Variants in FRYL observed in about 807,000 individuals in gnomAD.
FRYL encodes the protein protein furry homolog-like.
In FRYL, 150 loss-of-function variants were observed where a neutral mutation model predicts 351.2. The observed-to-expected ratio is 0.43, with a 90% CI of 0.37 to 0.49. FRYL has a LOEUF of 0.49. FRYL is among the 20% of genes least tolerant of loss of function. The pLI is 0.00. For synonymous variants in FRYL, 1,153 were observed against 1,257.1 expected, an observed-to-expected ratio of 0.92 and a Z score of 1.75; for missense variants, 3,036 against 3,619.3, an observed-to-expected ratio of 0.84 and a Z score of 4.13.
At chr4:48,758,337 A>G (rs959521715) in intron 1 of FRYL, among the ~76,000 whole-genome samples, 2 of 152,232 alleles carry the variant, frequency 1.3e-5, no homozygotes, top group African/African-American at 4.8e-5. Context: ...TCCATGTGAC[A>G]AAGGGCTAAT....
At chr4:48,663,063 A>G (rs1761088948) in intron 3 of FRYL, among the ~76,000 whole-genome samples, 1 of 152,096 alleles carries the variant, frequency 6.6e-6, no homozygotes. Flanking sequence ...GTAAATGTGT[A>G]GTTAAAATAC....
chr4:48,684,948 T>C (rs1005495074), intron 2 of FRYL, among the ~76,000 whole-genome samples, 153 bp from the exon 3 acceptor site: 5 of 152,226 alleles, frequency 3.3e-5, no homozygotes, highest in African/African-American at 1.2e-4. Context: ...ATGACATTTT[T>C]TCTAAGTTTT....
At chr4:48,695,520 T>C (rs911879880) in intron 2 of FRYL, among the ~76,000 whole-genome samples, 3 of 152,056 alleles carry the variant, frequency 2.0e-5, no homozygotes, top group African/African-American at 4.8e-5. Context: ...GTGGGTACAA[T>C]GTATGACAAA....
At chr4:48,595,115 G>A (rs1372344301) in intron 15 of FRYL, among the ~76,000 whole-genome samples, 2 of 152,222 alleles carry the variant, frequency 1.3e-5, no homozygotes, top group African/African-American at 2.4e-5. Flanking sequence ...ATACCCACAT[G>A]TGGTGACTTC....
Position 48,687,089 on chromosome 4 carries a change from T to C in FRYL, c.-203-2294A>G, listed in dbSNP as rs544315054. Among the ~76,000 whole-genome samples the C allele has an allele frequency of 7.3e-4, 111 of 152,322 alleles. 1 individual carries two copies. Among genetic ancestry groups the C allele is most frequent in the Admixed American group, 7.1e-3 (108 of 15,300 alleles). On this transcript the variant is annotated intron_variant, in intron 2 of 63. Transcript: ENST00000358350. The stretch of plus-strand genomic sequence containing the variant: ...CTTGCAGGACAATCACTTTTTCATC[T>C]TGTCTCCATATGGATTACTTAACAT...
At position 48,500,071 on chromosome 4, in the gene FRYL, A is replaced by T. The variant is rs185751021; in HGVS notation, c.8742T>A (p.Asn2914Lys). ...AIHSLIETLK[N>K]KEFISAVAQV... ...GTGCTACAGCTGATATAAATTCTTT[A>T]TTTTTCAAAGTTTCAATTAAAGAAT... Residue 2914 changes from asparagine to lysine, a missense_variant, in exon 63 of 64, where the codon AAT (asparagine) becomes AAA (lysine). This residue lies in a region of FRYL where 1,987 missense variants were observed against 2,311.7 expected (regional missense o/e 0.86). Transcript: ENST00000358350. 1.5e-5 allele frequency: 24 copies of T among 1,597,806 alleles called. No individual in the cohort carries two copies. In the African/African-American group the frequency reaches 3.0e-4, roughly 20 times the overall value.
Position 48,645,124 on chromosome 4 carries a change from T to TTA in FRYL, c.-80-10636_-80-10635dup, listed in dbSNP as rs36223183. On this transcript the variant is annotated intron_variant, in intron 3 of 63. Transcript: ENST00000358350. Reference sequence around the variant, plus strand: ...ATTAAACCAGCAGTGAGCTTTCATTTTATATATATATATATATATATATAT... The same window carrying TTA: ...ATTAAACCAGCAGTGAGCTTTCATTTTATATATATATATATATATATATATAT... Among the ~76,000 whole-genome samples the TTA allele has an allele frequency of 4.8e-3, 503 of 105,436 alleles. 39 individuals are homozygous for TTA. Among genetic ancestry groups the TTA allele is most frequent in the African/African-American group, 7.9e-3 (256 of 32,492 alleles). The allele number at this position is 105,436 out of a possible 152,430, so 69.2% of individuals were successfully genotyped here.
intron 1 of FRYL, among the ~76,000 whole-genome samples, chr4:48,717,986 T>C (rs1028627030): frequency 1.3e-5 from 2 of 151,616 alleles, no homozygotes; most frequent in African/African-American, 4.8e-5. Context: ...TATAACTCCA[T>C]ATAATGAGAA....
intron 42 of FRYL, 127 bp downstream of exon 42, chr4:48,545,940 C>T: frequency 1.2e-6 from 1 of 806,660 alleles, no homozygotes; most frequent in Non-Finnish European, 2.0e-6. Flanking sequence ...AAATACTGTG[C>T]AATACAAACC....
At chr4:48,582,759 C>G in intron 19 of FRYL, 25 bp from the exon 20 acceptor site, 1 of 1,488,768 alleles carries the variant, frequency 6.7e-7, no homozygotes, top group Non-Finnish European at 9.4e-7. Flanking sequence ...ATTCCATTAG[C>G]AAACTTCAAT....
intron 6 of FRYL, 76 bp downstream of exon 6, chr4:48,620,563 C>A: frequency 7.0e-7 from 1 of 1,435,296 alleles, no homozygotes; most frequent in Non-Finnish European, 9.5e-7. Flanking sequence ...ACAATAACAA[C>A]CTTCAGTTGA....
chr4:48,505,813 G>T, intron 59 of FRYL, 198 bp from the exon 60 acceptor site: 1 of 492,184 alleles, frequency 2.0e-6, no homozygotes, highest in Non-Finnish European at 3.6e-6. Flanking sequence ...TGTAACAAGA[G>T]GCACACACTT....
Position 48,531,304 on chromosome 4 carries a change from C to T in FRYL, c.6755G>A (p.Arg2252His), listed in dbSNP as rs1161063550. 8 of 1,613,702 alleles carry T rather than the reference C, an allele frequency of 5.0e-6. No homozygotes were observed. The highest frequency in any genetic ancestry group is 6.8e-6 in the Non-Finnish European group (8 of 1,179,682). Residue 2252 changes from arginine (R) to histidine (H), a missense_variant, in exon 50 of 64, where the codon CGC becomes CAC. Coordinates refer to ENST00000358350, the MANE Select transcript of FRYL (RefSeq NM_015030.2). ...ACTGGGTACGACAAGACTCGCAGAG[C>T]GTGACACCACCAGCTTTAATATGTT... Reference protein sequence around the residue: ...ALNILKLVVSRSASLVVPSDI... With the variant: ...ALNILKLVVSHSASLVVPSDI...
intron 29 of FRYL, 101 bp from the exon 30 acceptor site, chr4:48,565,144 T>G (rs1344426330): frequency 1.7e-6 from 1 of 574,334 alleles, no homozygotes; most frequent in African/African-American, 2.0e-5. Flanking sequence ...CACAATACTT[T>G]AATCTTTTTT....
Position 48,502,503 on chromosome 4 carries a change from C to T in FRYL, c.8481+325G>A, listed in dbSNP as rs185863188. ...GAGGTTGCAGTGAGCCGAGATCATG[C>T]CACTGCCCTCCAAGCCTGGGCAACA... On this transcript the variant is annotated intron_variant, in intron 61 of 63. Transcript: ENST00000358350. Among the ~76,000 whole-genome samples the T allele has an allele frequency of 2.8e-3, 422 of 151,164 alleles. 4 individuals carry two copies. The highest frequency in any genetic ancestry group is 9.5e-3 in the African/African-American group (389 of 41,042).
intron 4 of FRYL, among the ~76,000 whole-genome samples, chr4:48,631,275 C>T (rs933711433): frequency 9.2e-5 from 14 of 152,002 alleles, no homozygotes; most frequent in African/African-American, 2.9e-4. Context: ...GAAACATCTA[C>T]GTTCTGATGA....
intron 7 of FRYL, chr4:48,617,761 T>C (rs1749836425): frequency 1.3e-5 from 2 of 152,070 alleles, no homozygotes; most frequent in African/African-American, 2.4e-5. Flanking sequence ...GCCAGTGCAA[T>C]TGGGCAACTT....
rs1732126462 is a variant in FRYL at position 48,549,186 on chromosome 4, T to C, written c.4784+287A>G. 6.6e-6 allele frequency among the ~76,000 whole-genome samples: 1 copy of C among 152,264 alleles called. No homozygotes were observed. The highest frequency in any genetic ancestry group is 1.9e-4 in the East Asian group (1 of 5,190). On this transcript the variant is annotated intron_variant, in intron 39 of 63. Transcript: ENST00000358350. This position sits in a 1 kb window ranked among gnomAD's most constrained non-coding sequence, Gnocchi z 4.2. Reference sequence around the variant, plus strand: ...CGATGCAAAATAATAGTGCCTACCATAGGAAAGTCATATTTTTCAGATGTA... The same window carrying C: ...CGATGCAAAATAATAGTGCCTACCACAGGAAAGTCATATTTTTCAGATGTA...
chr4:48,723,940 AAATAATAATAAT>A (rs35636867), intron 1 of FRYL, among the ~76,000 whole-genome samples: 1 of 140,380 alleles, frequency 7.1e-6, no homozygotes, highest in Admixed American at 7.1e-5. Context: ...AAAATAAATA[AAATAATAATAAT>A]AATAATAATA....
Sources: gnomAD v4.1 joint callset for allele counts (sites outside exome capture counted in the v4.1 genomes callset) on GRCh38, gnomAD v4.1.1 for gene constraint, gnomAD v4.1.1 regional missense constraint, Gnocchi (gnomAD v3.1) non-coding constraint, MANE v1.5 for transcripts, NCBI Gene and HGNC (gene_info 2026-07-23, HGNC 2026-07-21) for gene names.